Variants in NCOA2 observed in about 807,000 individuals in gnomAD.
NCOA2 encodes class E basic helix-loop-helix protein 75.
NCOA2 carries 21 observed loss-of-function variants against 145.1 expected under a neutral mutation model. The observed-to-expected ratio is 0.14, with a 90% confidence interval of 0.10 to 0.21. NCOA2 has a LOEUF of 0.21. Ranked by LOEUF, NCOA2 falls within the 10% of genes least tolerant of loss-of-function variation. The pLI, the probability that NCOA2 is intolerant of heterozygous loss-of-function variation, is 1.00. For missense variants in NCOA2, 1,472 were observed against 1,837.6 expected (o/e 0.80, Z 3.64); for synonymous variants, 619 against 637.5 (o/e 0.97, Z 0.44).
At chr8:70,344,725 T>A (rs889170410) in intron 1 of NCOA2, among the ~76,000 whole-genome samples, 1 of 151,690 alleles carries the variant, frequency 6.6e-6, no homozygotes, top group Non-Finnish European at 1.5e-5. Flanking sequence ...GGAGAGAGAG[T>A]GCTCCAGCTA....
Position 70,174,951 on chromosome 8 carries a change from C to T in NCOA2, c.260-92G>A, listed in dbSNP as rs1585960135. 2.6e-6 allele frequency: 3 copies of T among 1,169,450 alleles called. No homozygotes were observed. In the East Asian group the frequency reaches 7.1e-5, roughly 28 times the overall value. 72.4% of individuals were successfully genotyped at this position (1,169,450 alleles called of 1,614,324 possible). A position where few individuals can be genotyped will look rare whatever the true frequency, so the allele number is the denominator to read the frequency against. ...TTTTACTGTAATGATTTTTAAAAAT[C>T]TCTAGTGGGATCAGATGCAGCTACA... On this transcript the variant is annotated intron_variant, in intron 4 of 22. Transcript: ENST00000452400.
At chr8:70,408,039 C>T (rs1232538713), upstream of NCOA2, among the ~76,000 whole-genome samples, 1 of 152,110 alleles carries the variant, frequency 6.6e-6, no homozygotes, top group South Asian at 2.1e-4. Flanking sequence ...ATTTCTCCCC[C>T]TCTATTCATA....
At chr8:70,405,446 T>TG (rs1563856224), upstream of NCOA2, among the ~76,000 whole-genome samples, 50 of 120,752 alleles carry the variant, frequency 4.1e-4, no homozygotes, top group African/African-American at 1.7e-3. Context: ...GGTTTTTTTT[T>TG]TTTTTTTTTT....
At chr8:70,305,734 T>C (rs1035331826) in intron 1 of NCOA2, among the ~76,000 whole-genome samples, 5 of 152,170 alleles carry the variant, frequency 3.3e-5, no homozygotes, top group African/African-American at 1.2e-4. Context: ...CAAACAAAAA[T>C]AAGTTTATTT....
chr8:70,235,074 C>A (rs1486946312), intron 2 of NCOA2, among the ~76,000 whole-genome samples: 1 of 152,106 alleles, frequency 6.6e-6, no homozygotes, highest in Non-Finnish European at 1.5e-5. Context: ...TGAAAACAAC[C>A]CAAATGTCCA....
At chr8:70,454,309 C>T in the NCOA2 span, among the ~76,000 whole-genome samples, 4 of 152,304 alleles carry the variant, frequency 2.6e-5, no homozygotes, top group Non-Finnish European at 1.5e-5. Context: ...CTCATGACAG[C>T]TCGGCAGCTC....
intron 10 of NCOA2, among the ~76,000 whole-genome samples, chr8:70,159,238 A>T (rs1476339399): frequency 1.9e-4 from 18 of 93,354 alleles, no homozygotes; most frequent in African/African-American, 9.2e-4. Flanking sequence ...ATATATATAT[A>T]TATATTTTTT....
intron 4 of NCOA2, among the ~76,000 whole-genome samples, chr8:70,188,698 T>C (rs1422399811): frequency 2.0e-5 from 3 of 152,184 alleles, no homozygotes; most frequent in Non-Finnish European, 4.4e-5. Flanking sequence ...ATGAACAGAC[T>C]TCATAAGGCT....
chr8:70,266,702 T>C (rs1208494964), intron 2 of NCOA2, among the ~76,000 whole-genome samples: 2 of 152,200 alleles, frequency 1.3e-5, no homozygotes, highest in Non-Finnish European at 1.5e-5. Context: ...AATCCATAAA[T>C]GCCTCCCTAA....
chr8:70,284,362 G>C (rs1826094175), intron 2 of NCOA2, among the ~76,000 whole-genome samples: 1 of 152,212 alleles, frequency 6.6e-6, no homozygotes, highest in Admixed American at 6.5e-5. Flanking sequence ...AGGCAAGGAA[G>C]TAGTCACAAA....
the NCOA2 span, among the ~76,000 whole-genome samples, chr8:70,437,344 C>CG: frequency 1.3e-5 from 2 of 152,176 alleles, no homozygotes; most frequent in African/African-American, 4.8e-5. Flanking sequence ...ATAAGCTCCA[C>CG]GGGGGCACCA....
chr8:70,357,978 G>A (rs1228470841), intron 1 of NCOA2, among the ~76,000 whole-genome samples: 1 of 152,094 alleles, frequency 6.6e-6, no homozygotes, highest in African/African-American at 2.4e-5. Flanking sequence ...TTGAACCTGG[G>A]AGGCGGAGGA....
intron 2 of NCOA2, among the ~76,000 whole-genome samples, chr8:70,270,730 T>C (rs1194288349): frequency 1.3e-5 from 2 of 152,216 alleles, no homozygotes; most frequent in Admixed American, 6.5e-5. Context: ...AACAACCAGA[T>C]TGAAATTAAA....
chr8:70,131,716 G>GT, intron 16 of NCOA2, 121 bp downstream of exon 16: 5 of 1,080,074 alleles, frequency 4.6e-6, no homozygotes, highest in East Asian at 2.6e-5. Flanking sequence ...CTGTTTTGAG[G>GT]TAAAAAAAAC....
intron 2 of NCOA2, among the ~76,000 whole-genome samples, chr8:70,267,011 T>C (rs1824655239): frequency 6.6e-6 from 1 of 152,216 alleles, no homozygotes; most frequent in Non-Finnish European, 1.5e-5. Flanking sequence ...TTCTAATTTT[T>C]TGACCCAAAA....
At chr8:70,240,782 T>C (rs1822059994) in intron 2 of NCOA2, among the ~76,000 whole-genome samples, 1 of 152,202 alleles carries the variant, frequency 6.6e-6, no homozygotes, top group Non-Finnish European at 1.5e-5. Context: ...ACTAAGATGA[T>C]GTGACCAGAG....
At position 70,377,326 on chromosome 8, in the gene NCOA2, A is replaced by C. The variant is rs186781836; in HGVS notation, c.-77+26374T>G. On this transcript the variant is annotated intron_variant, in intron 1 of 22. Transcript: ENST00000452400. The stretch of plus-strand genomic sequence containing the variant: ...GTGTCAACTTGACAAGAAAAAAAAA[A>C]CTCTTAACAATTCTAACACATTTAT... Among the ~76,000 whole-genome samples the C allele has an allele frequency of 9.7e-4, 147 of 151,934 alleles. 4 individuals carry two copies. The highest frequency in any genetic ancestry group is 8.0e-3 in the Admixed American group (122 of 15,280).
rs1554578476 is a variant in NCOA2, at chr8:70,159,236, A to ATATG, written c.1124+268_1124+269insCATA. ...ACAGTATAACATTATATATATATATATATATATTTTTTTTTTTTTCCCCCA... is the reference window on the plus strand; with the variant it reads ...ACAGTATAACATTATATATATATATATATGTATATATTTTTTTTTTTTTCCCCCA... On this transcript the variant is annotated intron_variant, in intron 10 of 22. Transcript: ENST00000452400. Among the ~76,000 whole-genome samples the ATATG allele has an allele frequency of 3.7e-3, 60 of 16,052 alleles. 5 individuals carry two copies. Among genetic ancestry groups the ATATG allele is most frequent in the Non-Finnish European group, 8.7e-3 (39 of 4,472 alleles). 10.5% of individuals were successfully genotyped at this position (16,052 alleles called of 152,430 possible).
chr8:70,275,623 C>T (rs949985639), intron 2 of NCOA2, among the ~76,000 whole-genome samples: 15 of 151,928 alleles, frequency 9.9e-5, no homozygotes, highest in African/African-American at 2.4e-4. Flanking sequence ...ACAAGCTTAG[C>T]GGAGAAAATA....
Sources: gnomAD v4.1 joint callset for allele counts (sites outside exome capture counted in the v4.1 genomes callset) on GRCh38, gnomAD v4.1.1 for gene constraint, MANE v1.5 for transcripts, NCBI Gene and HGNC (gene_info 2026-07-23, HGNC 2026-07-21) for gene names.